TJP2: variants seen among roughly 807,000 people sequenced by gnomAD.
The protein encoded by TJP2 is Friedreich ataxia region gene X104 (tight junction protein ZO-2).
TJP2 carries 91 observed loss-of-function variants against 133.1 expected under a neutral mutation model. The ratio of observed to expected loss-of-function variants is 0.68; its 90% CI spans 0.58 to 0.81. The LOEUF is 0.81. Among genes scored for constraint, TJP2 ranks in the 40% least tolerant of loss-of-function variants. TJP2 has a pLI of 0.00. For synonymous variants in TJP2, 592 were observed against 583.4 expected (o/e 1.01, Z -0.21); for missense variants, 1,541 against 1,565.6 (o/e 0.98, Z 0.26).
chr9:69,225,985 T>G, intron 6 of TJP2, 37 bp from the exon 7 acceptor site: 1 of 1,609,520 alleles, frequency 6.2e-7, no homozygotes, highest in Non-Finnish European at 8.5e-7. Context: ...GTGAATAATT[T>G]TATTGCATTT....
At chr9:69,234,402 T>TTTCTTTC (rs780843162) in intron 11 of TJP2, 37 bp from the exon 12 acceptor site, 7 of 1,217,496 alleles carry the variant, frequency 5.7e-6, no homozygotes, top group Non-Finnish European at 7.9e-6. Flanking sequence ...TTCTTTCTTT[T>TTTCTTTC]TTTTTTTTTT....
chr9:69,190,235 A>G (rs1482718014), intron 1 of TJP2, among the ~76,000 whole-genome samples: 2 of 152,218 alleles, frequency 1.3e-5, no homozygotes, highest in Admixed American at 6.5e-5. Context: ...ATCAGGAGCA[A>G]TGGTTTTTAG....
chr9:69,136,860 TTCAC>T (rs1822754964), intron 1 of TJP2, among the ~76,000 whole-genome samples: 1 of 152,142 alleles, frequency 6.6e-6, no homozygotes, highest in Non-Finnish European at 1.5e-5. Flanking sequence ...CACATTTGGA[TTCAC>T]TGGAAACAGA....
intron 12 of TJP2, among the ~76,000 whole-genome samples, 173 bp from the exon 13 acceptor site, chr9:69,235,855 C>T (rs191570936): frequency 2.0e-5 from 3 of 152,260 alleles, no homozygotes; most frequent in Admixed American, 6.5e-5. Context: ...TGCAGCAAGC[C>T]GTGAAGCTGG....
rs904514972 is a variant in TJP2 at position 69,227,749 on chromosome 9, T to G, written c.1211-16T>G. On this transcript the variant is annotated splice_polypyrimidine_tract_variant and intron_variant, in intron 7 of 22. Transcript: ENST00000377245. The stretch of plus-strand genomic sequence containing the variant: ...AAATATTTTATTTAAAAGTCTTTTC[T>G]TATTTTTGAAACTAGATATTTCAGA... 1.3e-6 allele frequency: 2 copies of G among 1,526,018 alleles called. No individual in the cohort carries two copies. The highest frequency in any genetic ancestry group is 1.8e-6 in the Non-Finnish European group (2 of 1,103,716). 94.5% of individuals were successfully genotyped at this position (1,526,018 alleles called of 1,614,324 possible). A position where few individuals can be genotyped will look rare whatever the true frequency, so the allele number is the denominator to read the frequency against.
intron 1 of TJP2, among the ~76,000 whole-genome samples, chr9:69,183,005 C>A (rs1825622804): frequency 6.6e-6 from 1 of 151,368 alleles, no homozygotes. Context: ...TCATGTTGGT[C>A]AGGCTGATCT....
intron 2 of TJP2, among the ~76,000 whole-genome samples, chr9:69,154,902 C>T (rs1823665427): frequency 6.6e-6 from 1 of 152,106 alleles, no homozygotes; most frequent in African/African-American, 2.4e-5. Context: ...ATCACTGACT[C>T]ACCCCATCAT....
At chr9:69,162,844 C>T (rs1210963341) in intron 2 of TJP2, among the ~76,000 whole-genome samples, 1 of 152,126 alleles carries the variant, frequency 6.6e-6, no homozygotes, top group African/African-American at 2.4e-5. Context: ...TGGTGATCTA[C>T]TTACTGCATA....
At chr9:69,183,174 A>G (rs1825634004) in intron 1 of TJP2, among the ~76,000 whole-genome samples, 1 of 152,214 alleles carries the variant, frequency 6.6e-6, no homozygotes, top group African/African-American at 2.4e-5. Flanking sequence ...ATAAAATTCA[A>G]TGGCATTTAA....
At chr9:69,212,429 T>G (rs945667151) in intron 1 of TJP2, 119 bp from the exon 2 acceptor site, 21 of 766,080 alleles carry the variant, frequency 2.7e-5, no homozygotes, top group Non-Finnish European at 4.2e-5. Flanking sequence ...ATATTAACTC[T>G]TTTTTGGTAT....
At chr9:69,201,586 G>A (rs1033045484) in intron 1 of TJP2, among the ~76,000 whole-genome samples, 10 of 152,008 alleles carry the variant, frequency 6.6e-5, no homozygotes, top group Admixed American at 3.3e-4. Flanking sequence ...TTGTTCCTCA[G>A]AGCACATTGC....
At chr9:69,245,330 T>C (rs1830846473) in intron 17 of TJP2, among the ~76,000 whole-genome samples, 1 of 152,230 alleles carries the variant, frequency 6.6e-6, no homozygotes, top group Non-Finnish European at 1.5e-5. Flanking sequence ...TGCTTAATGG[T>C]TCTTTTTGGC....
chr9:69,204,882 C>A, intron 1 of TJP2: 1 of 1,206,692 alleles, frequency 8.3e-7, no homozygotes, highest in Non-Finnish European at 1.0e-6. Flanking sequence ...GAAATATCTA[C>A]TCGGATGCTC....
intron 1 of TJP2, among the ~76,000 whole-genome samples, chr9:69,126,974 G>A (rs1822306215): frequency 1.3e-5 from 1 of 76,704 alleles, no homozygotes; most frequent in South Asian, 3.6e-4. Context: ...GCTCATGCCT[G>A]TAATCCCAGC....
chr9:69,251,374 T>C lies in TJP2; in HGVS notation c.3321+10T>C. The stretch of plus-strand genomic sequence containing the variant: ...AGCACAGAATGCAAGGGTAATTGTT[T>C]TTAAACTACACATCATCAATAAGAG... On this transcript the variant is annotated intron_variant, in intron 21 of 22. Coordinates refer to ENST00000377245, the MANE Select transcript of TJP2 (RefSeq NM_004817.4). 2.5e-6 allele frequency: 4 copies of C among 1,610,970 alleles called. No homozygotes were observed. Among genetic ancestry groups the C allele is most frequent in the Non-Finnish European group, 3.4e-6 (4 of 1,179,130 alleles).
intron 20 of TJP2, among the ~76,000 whole-genome samples, 194 bp from the exon 21 acceptor site, chr9:69,250,841 G>T (rs1026238420): frequency 1.3e-5 from 2 of 152,134 alleles, no homozygotes; most frequent in African/African-American, 4.8e-5. Context: ...TAATAGACTA[G>T]TATAGGAAGG....
chr9:69,135,152 G>T (rs1322003562), intron 1 of TJP2, among the ~76,000 whole-genome samples: 2 of 152,102 alleles, frequency 1.3e-5, no homozygotes, highest in Non-Finnish European at 2.9e-5. Flanking sequence ...GAATTTTGGG[G>T]AGATACAAAC....
intron 12 of TJP2, among the ~76,000 whole-genome samples, chr9:69,235,273 G>A (rs79702373): frequency 0.028 from 4,269 of 151,914 alleles, 84 homozygotes; most frequent in Middle Eastern, 0.068. Flanking sequence ...CATCAGGCAG[G>A]AAGAGTAGTT....
intron 1 of TJP2, among the ~76,000 whole-genome samples, chr9:69,198,164 C>CT (rs1329106116): frequency 2.5e-4 from 22 of 86,778 alleles, no homozygotes; most frequent in African/African-American, 7.6e-4. Context: ...TTTTTTGAGA[C>CT]TGAGTTTCAC....
Sources: allele counts gnomAD v4.1 joint callset (sites outside exome capture counted in the v4.1 genomes callset), GRCh38; gene constraint gnomAD v4.1.1; transcripts MANE v1.5; gene names NCBI Gene and HGNC (gene_info 2026-07-23, HGNC 2026-07-21).